The following HBS1L variants were observed in gnomAD, a reference collection of about 807,000 sequenced individuals.
HBS1L encodes HBS1 like translational GTPase, also known as HBS1-like protein.
HBS1L carries 55 observed loss-of-function variants against 88.9 expected under a neutral mutation model. The observed-to-expected ratio is 0.62, with a 90% CI of 0.50 to 0.77. The LOEUF (loss-of-function observed/expected upper bound fraction) is 0.77. Ranked by LOEUF, HBS1L falls within the 30% of genes least tolerant of loss-of-function variation. HBS1L has a pLI of 0.00. For missense variants in HBS1L, 741 were observed against 829.3 expected, an observed-to-expected ratio of 0.89 and a Z score of 1.31; for synonymous variants, 267 against 288.5, an observed-to-expected ratio of 0.93 and a Z score of 0.76.
At chr6:134,970,373 T>A (rs554574255) in intron 15 of HBS1L, among the ~76,000 whole-genome samples, 5 of 152,292 alleles carry the variant, frequency 3.3e-5, no homozygotes, top group Admixed American at 3.3e-4. Context: ...CCTCAGGTGA[T>A]CCGACTGCCT....
At chr6:135,016,290 T>TA (rs1330175388) in intron 4 of HBS1L, among the ~76,000 whole-genome samples, 1 of 152,228 alleles carries the variant, frequency 6.6e-6, no homozygotes, top group African/African-American at 2.4e-5. Flanking sequence ...CAGTTAATGT[T>TA]AAAACCAATT....
chr6:134,998,831 A>G (rs1287549856), intron 5 of HBS1L, among the ~76,000 whole-genome samples: 3 of 152,174 alleles, frequency 2.0e-5, no homozygotes, highest in Admixed American at 2.0e-4. Context: ...GCTTTTTCAA[A>G]TCTCCACTAA....
intron 12 of HBS1L, among the ~76,000 whole-genome samples, chr6:134,984,254 G>T: frequency 6.6e-6 from 1 of 152,092 alleles, no homozygotes; most frequent in East Asian, 1.9e-4. Context: ...GATAAATTTT[G>T]ATTTCATTGC....
intron 7 of HBS1L, among the ~76,000 whole-genome samples, chr6:134,995,108 C>T (rs1324903057): frequency 6.6e-6 from 1 of 152,004 alleles, no homozygotes; most frequent in Non-Finnish European, 1.5e-5. Context: ...GGACCACAGA[C>T]ACCTTCAGAG....
chr6:134,999,263 G>A (rs1031267890), intron 5 of HBS1L, among the ~76,000 whole-genome samples: 4 of 152,034 alleles, frequency 2.6e-5, no homozygotes, highest in Non-Finnish European at 5.9e-5. Flanking sequence ...TGGACAGAGT[G>A]GGCAGGGGCT....
At chr6:134,989,171 A>T (rs1418482383) in intron 8 of HBS1L, among the ~76,000 whole-genome samples, 1 of 152,246 alleles carries the variant, frequency 6.6e-6, no homozygotes, top group Admixed American at 6.5e-5. Context: ...AATGTGCAAT[A>T]GACAGTTTGT....
At chr6:135,039,051 G>A (rs1359681590) in intron 4 of HBS1L, among the ~76,000 whole-genome samples, 7 of 152,104 alleles carry the variant, frequency 4.6e-5, no homozygotes, top group African/African-American at 7.2e-5. Context: ...AGTGGCTGAC[G>A]CCTGCAATCC....
chr6:135,006,349 A>G (rs2114824692), intron 4 of HBS1L, among the ~76,000 whole-genome samples: 1 of 152,320 alleles, frequency 6.6e-6, no homozygotes, highest in African/African-American at 2.4e-5. Flanking sequence ...CTGAAAATCC[A>G]GTGTTGGACT....
At chr6:135,028,661 A>C (rs1732687206) in intron 4 of HBS1L, among the ~76,000 whole-genome samples, 1 of 152,204 alleles carries the variant, frequency 6.6e-6, no homozygotes, top group African/African-American at 2.4e-5. Flanking sequence ...GTTAGCAAAT[A>C]AAATCCATCA....
At chr6:135,051,849 G>T (rs921467604) in intron 1 of HBS1L, among the ~76,000 whole-genome samples, 2 of 152,130 alleles carry the variant, frequency 1.3e-5, no homozygotes, top group Non-Finnish European at 2.9e-5. Context: ...CCATGCCAGG[G>T]AGTAGTTGAG....
At chr6:135,023,164 G>C (rs1776122114) in intron 4 of HBS1L, among the ~76,000 whole-genome samples, 2 of 151,998 alleles carry the variant, frequency 1.3e-5, no homozygotes, top group Non-Finnish European at 2.9e-5. Flanking sequence ...ACCAAAAGTG[G>C]CCGGGCACAC....
intron 4 of HBS1L, among the ~76,000 whole-genome samples, chr6:135,025,157 C>T (rs199614548): frequency 1.3e-5 from 2 of 152,170 alleles, no homozygotes; most frequent in East Asian, 3.8e-4. Context: ...AAACACCCAT[C>T]CCATTTTCCC....
intron 4 of HBS1L, chr6:135,036,555 T>C (rs1161784479): frequency 6.8e-7 from 1 of 1,461,346 alleles, no homozygotes; most frequent in African/African-American, 1.4e-5. Context: ...TTTCCTTTTG[T>C]TACTATTCTC....
Position 134,986,146 on chromosome 6 carries a change from C to G in HBS1L, c.1343G>C (p.Ser448Thr). 2 of 1,595,156 alleles carry G rather than the reference C, an allele frequency of 1.3e-6. No individual in the cohort carries two copies. Among genetic ancestry groups the G allele is most frequent in the South Asian group, 2.2e-5 (2 of 90,458 alleles). The change falls in exon 11 of 18, where the codon AGT becomes ACT. Residue 448 changes from serine (S) to threonine (T), a missense_variant. Physicochemically the swap from Ser to Thr is moderately conservative, Grantham distance 58. Around this residue, in one of 3 missense-constraint regions of HBS1L, gnomAD observed 556 missense variants for 598.4 expected, o/e 0.93. Coordinates refer to ENST00000367837, the MANE Select transcript of HBS1L (RefSeq NM_006620.4). ...AGATCTTGTGATTAGATTTTCACCA[C>G]TGAGACCACTTGTAGGAATAAAACC... ...DVGFIPTSGLSGENLITRSQS... is the reference protein window; with the variant it reads ...DVGFIPTSGLTGENLITRSQS...
chr6:135,048,468 G>A (rs1776980833), intron 2 of HBS1L, among the ~76,000 whole-genome samples: 1 of 152,302 alleles, frequency 6.6e-6, no homozygotes, highest in Middle Eastern at 3.4e-3. Flanking sequence ...TCCCTGCCCA[G>A]AGGTCTGAGT....
intron 4 of HBS1L, among the ~76,000 whole-genome samples, chr6:135,009,910 A>G (rs1040525487): frequency 2.6e-5 from 4 of 151,934 alleles, no homozygotes; most frequent in Admixed American, 2.0e-4. Context: ...GATTACAGGC[A>G]TGAACCACCG....
rs768627705 is a variant in HBS1L, at chr6:134,996,887, A to G, written c.855T>C (p.Gly285=). 2 of 1,608,878 alleles carry G rather than the reference A, an allele frequency of 1.2e-6. No individual in the cohort carries two copies. The highest frequency in any genetic ancestry group is 2.2e-5 in the South Asian group (2 of 89,790). The change falls in exon 7 of 18, where the codon GGT becomes GGC. Residue 285 remains glycine, a synonymous_variant. Coordinates refer to ENST00000367837, the MANE Select transcript of HBS1L (RefSeq NM_006620.4). Reference sequence around the variant, plus strand: ...TATGCATAGTTCTTTTGTTTATATTACCCAGAAGATAAAGCATATGGCCCA... The same window carrying G: ...TATGCATAGTTCTTTTGTTTATATTGCCCAGAAGATAAAGCATATGGCCCA... ...TLMGHMLYLL[G]NINKRTMHKY...
At position 134,964,780 on chromosome 6, in the gene HBS1L, T is replaced by G. The variant is rs1774261145; in HGVS notation, c.*499A>C. On this transcript the variant is annotated 3_prime_UTR_variant, in exon 18 of 18. Coordinates refer to ENST00000367837, the MANE Select transcript of HBS1L (RefSeq NM_006620.4). ...CATTCTTATGGTCACCACAAAATAC[T>G]TTTATTATAACCTTCCCCAAATCTT... The G allele has an allele frequency of 6.6e-6, 1 of 152,670 alleles. No homozygotes were observed. The allele number at this position is 152,670 out of a possible 1,614,324, so 9.5% of individuals were successfully genotyped here.
chr6:134,994,916 A>T (rs1202448592), intron 7 of HBS1L, among the ~76,000 whole-genome samples: 1 of 152,136 alleles, frequency 6.6e-6, no homozygotes, highest in East Asian at 1.9e-4. Flanking sequence ...AAGGAATAAT[A>T]ATACTCCCTT....
Sources: allele counts gnomAD v4.1 joint callset (sites outside exome capture counted in the v4.1 genomes callset), GRCh38; gene constraint gnomAD v4.1.1; regional missense constraint gnomAD v4.1.1; transcripts MANE v1.5; gene names NCBI Gene and HGNC (gene_info 2026-07-23, HGNC 2026-07-21).